PLEKHS1: variants seen among roughly 807,000 people sequenced by gnomAD.
The protein encoded by PLEKHS1 is pleckstrin homology domain-containing family S member 1.
In PLEKHS1, 55 loss-of-function variants were observed where a neutral mutation model predicts 51.0. That is an observed-to-expected ratio of 1.08 (90% CI 0.87 to 1.35). The LOEUF is 1.35. PLEKHS1 is among the 40% of genes most tolerant of loss of function. The pLI, the probability that PLEKHS1 is intolerant of heterozygous loss-of-function variation, is 0.00. For missense variants in PLEKHS1, 398 were observed against 423.0 expected (o/e 0.94, Z 0.52); for synonymous variants, 153 against 144.8 (o/e 1.06, Z -0.41).
At chr10:113,780,910 T>C (rs1366873695) in exon 12 of PLEKHS1, 10 of 778,392 alleles carry the variant, frequency 1.3e-5, no homozygotes, top group Non-Finnish European at 1.6e-5. Flanking sequence ...ATCTTAACAA[T>C]GGGGATGACT....
intron 8 of PLEKHS1, among the ~76,000 whole-genome samples, chr10:113,773,007 G>C (rs1844480801): frequency 6.6e-6 from 1 of 152,194 alleles, no homozygotes; most frequent in African/African-American, 2.4e-5. Context: ...GTGAGAGATA[G>C]GAAGACAGAA....
rs1844168498 is a variant in PLEKHS1 at position 113,766,510 on chromosome 10, G to T, written c.117+11G>T. ...CTGTTCTCCTCTGTGGTAAGTATTT[G>T]CTGTGATTTAACAAGCCTCCCACCA... On this transcript the variant is annotated intron_variant, in intron 3 of 11. Transcript: ENST00000361048. 1.9e-6 allele frequency: 3 copies of T among 1,596,394 alleles called. No homozygotes were observed. In the East Asian group the frequency reaches 6.7e-5, roughly 36 times the overall value.
intron 11 of PLEKHS1, chr10:113,777,715 C>A (rs1157489113): frequency 3.3e-6 from 5 of 1,513,064 alleles, no homozygotes; most frequent in African/African-American, 1.4e-5. Flanking sequence ...GTTACTTTTA[C>A]TTCTACTACA....
intron 11 of PLEKHS1, 27 bp downstream of exon 12, chr10:113,777,286 A>G: frequency 1.9e-6 from 3 of 1,611,068 alleles, no homozygotes; most frequent in Non-Finnish European, 2.5e-6. Flanking sequence ...AGCCCTGAAC[A>G]GGGCAAATCA....
At chr10:113,755,399 T>G (rs1313810507) in intron 2 of PLEKHS1, 94 bp downstream of exon 2, 1 of 1,511,634 alleles carries the variant, frequency 6.6e-7, no homozygotes, top group Non-Finnish European at 8.8e-7. Context: ...AACTTGGTGG[T>G]TTTTGTGTAT....
In PLEKHS1 at chr10:113,760,392, G is replaced by A. The variant is rs554474180; in HGVS notation, c.28+5087G>A. Among the ~76,000 whole-genome samples, 239 of 152,014 alleles carry A rather than the reference G, an allele frequency of 1.6e-3. 1 individual carries two copies. Among genetic ancestry groups the A allele is most frequent in the African/African-American group, 5.3e-3 (220 of 41,470 alleles). ...GAATGGGCCAGGTGTGGTGGCTCAC[G>A]CCTATAATCCCAGTACTTTGGGAGG... is the stretch of plus-strand genomic sequence containing the variant. On this transcript the variant is annotated intron_variant, in intron 2 of 11. Transcript: ENST00000361048.
intron 7 of PLEKHS1, among the ~76,000 whole-genome samples, chr10:113,771,548 G>A (rs548861149): frequency 3.3e-5 from 5 of 151,876 alleles, no homozygotes; most frequent in South Asian, 2.1e-4. Context: ...GGTGATGCGC[G>A]CCTGTATTCC....
At chr10:113,775,255 C>T (rs1478291617) in intron 10 of PLEKHS1, among the ~76,000 whole-genome samples, 3 of 151,882 alleles carry the variant, frequency 2.0e-5, no homozygotes, top group East Asian at 1.9e-4. Flanking sequence ...GTGGCATTTT[C>T]AGCTATTTTT....
chr10:113,777,427 T>G, intron 11 of PLEKHS1, 168 bp downstream of exon 12: 1 of 1,608,760 alleles, frequency 6.2e-7, no homozygotes, highest in South Asian at 1.1e-5. Flanking sequence ...TCAGGATTCT[T>G]TCATATCAAG....
At chr10:113,753,026 T>C (rs1662486661) in intron 1 of PLEKHS1, among the ~76,000 whole-genome samples, 1 of 152,226 alleles carries the variant, frequency 6.6e-6, no homozygotes. Flanking sequence ...TGTATGCAAA[T>C]GCATTTTATA....
At chr10:113,762,277 TG>T (rs372191824) in intron 2 of PLEKHS1, among the ~76,000 whole-genome samples, 17 of 151,764 alleles carry the variant, frequency 1.1e-4, no homozygotes, top group African/African-American at 4.1e-4. Context: ...TTTCATTGGT[TG>T]TCTCTGTTGT....
chr10:113,772,378 C>T (rs1045270128), intron 8 of PLEKHS1, among the ~76,000 whole-genome samples: 3 of 152,124 alleles, frequency 2.0e-5, no homozygotes, highest in African/African-American at 4.8e-5. Context: ...GACGAGATGA[C>T]ATTAGGCCAT....
At chr10:113,771,755 A>T (rs1342512764) in intron 7 of PLEKHS1, among the ~76,000 whole-genome samples, 3 of 152,090 alleles carry the variant, frequency 2.0e-5, no homozygotes, top group African/African-American at 7.2e-5. Context: ...CGGTAGAGAA[A>T]AAAAGCCTGA....
At chr10:113,755,176 G>T in intron 1 of PLEKHS1, 83 bp from the exon 2 acceptor site, 1 of 1,447,726 alleles carries the variant, frequency 6.9e-7, no homozygotes, top group South Asian at 1.4e-5. Flanking sequence ...GCACAATCCT[G>T]ATACTCACTG....
intron 11 of PLEKHS1, among the ~76,000 whole-genome samples, chr10:113,778,255 G>A (rs1407972555): frequency 2.6e-5 from 4 of 152,202 alleles, no homozygotes; most frequent in African/African-American, 9.7e-5. Flanking sequence ...AAGGAGAGGA[G>A]AGGAAGGAGA....
At position 113,762,365 on chromosome 10, in the gene PLEKHS1, C is replaced by CTTTTTTTTTTTTTTTTTTTTTTTTTTTTT. The variant is rs34457408; in HGVS notation, c.29-4025_29-4024insTTTTTTTTTTTTTTTTTTTTTTTTTTTTT. On this transcript the variant is annotated intron_variant, in intron 2 of 11. Coordinates refer to ENST00000361048, the Ensembl canonical transcript of PLEKHS1. ...TCCTCTATTGACTTTAGATTTGTTC[C>CTTTTTTTTTTTTTTTTTTTTTTTTTTTTT]TTTTTTTTTTTTTTTTTTTTTCAGT... Among the ~76,000 whole-genome samples, 43 of 61,766 alleles carry CTTTTTTTTTTTTTTTTTTTTTTTTTTTTT rather than the reference C, an allele frequency of 7.0e-4. 1 individual carries two copies. The highest frequency in any genetic ancestry group is 1.5e-3 in the East Asian group (3 of 1,982). 40.5% of individuals were successfully genotyped at this position (61,766 alleles called of 152,430 possible).
At chr10:113,775,736 T>C (rs1169435265) in intron 10 of PLEKHS1, 29 bp from the exon 11 acceptor site, 1 of 1,544,614 alleles carries the variant, frequency 6.5e-7, no homozygotes, top group African/African-American at 1.4e-5. Context: ...AGTTGCCTGA[T>C]GTGACTTTTA....
chr10:113,776,095 G>A (rs929883012), intron 11 of PLEKHS1, among the ~76,000 whole-genome samples: 1 of 152,176 alleles, frequency 6.6e-6, no homozygotes, highest in Non-Finnish European at 1.5e-5. Flanking sequence ...GGACCCAAAA[G>A]TTCAGGAAGC....
chr10:113,773,487 C>T (rs1283780503), intron 8 of PLEKHS1, among the ~76,000 whole-genome samples: 3 of 150,600 alleles, frequency 2.0e-5, no homozygotes, highest in Non-Finnish European at 2.9e-5. Flanking sequence ...GAAAGGAGAG[C>T]TCTGCCGTAG....
Sources: gnomAD v4.1 joint callset for allele counts (sites outside exome capture counted in the v4.1 genomes callset) on GRCh38, gnomAD v4.1.1 for gene constraint, MANE v1.5 for transcripts, NCBI Gene and HGNC (gene_info 2026-07-23, HGNC 2026-07-21) for gene names.